The following LRIF1 variants were observed in gnomAD, a reference collection of about 807,000 sequenced individuals.
LRIF1 encodes the protein ligand-dependent nuclear receptor-interacting factor 1.
In LRIF1, 32 loss-of-function variants were observed where a neutral mutation model predicts 52.7. The ratio of observed to expected loss-of-function variants is 0.61; its 90% CI spans 0.46 to 0.82. The LOEUF (loss-of-function observed/expected upper bound fraction) is 0.82, where lower values mean the gene tolerates loss of function less well. Among genes scored for constraint, LRIF1 ranks in the 40% least tolerant of loss-of-function variants. The pLI, the probability that LRIF1 is intolerant of heterozygous loss-of-function variation, is 0.00. For missense variants in LRIF1, 887 were observed against 892.0 expected, an observed-to-expected ratio of 0.99 and a Z score of 0.07; for synonymous variants, 323 against 317.4, an observed-to-expected ratio of 1.02 and a Z score of -0.19.
At chr1:110,928,364 A>G in the LRIF1 span, among the ~76,000 whole-genome samples, 2 of 152,206 alleles carry the variant, frequency 1.3e-5, no homozygotes, top group Non-Finnish European at 2.9e-5. Context: ...CTTTTCTAAC[A>G]TATTTCTTCC....
chr1:110,897,601 G>GTAATGA, the LRIF1 span: 1 of 461,982 alleles, frequency 2.2e-6, no homozygotes. Context: ...AGTTACCACT[G>GTAATGA]TAATGATAAC....
chr1:110,956,947 T>C (rs982547202), intron 1 of LRIF1, among the ~76,000 whole-genome samples: 7 of 152,246 alleles, frequency 4.6e-5, no homozygotes, highest in East Asian at 1.9e-4. Context: ...ACAGTTAAAT[T>C]TGTCTTTATC....
At chr1:110,891,338 C>T in the LRIF1 span, 107 of 1,204,520 alleles carry the variant, frequency 8.9e-5, 1 homozygote, top group East Asian at 2.3e-3. Flanking sequence ...GCACTCTGAT[C>T]TCTGGCTACC....
At chr1:110,895,294 T>C in the LRIF1 span, among the ~76,000 whole-genome samples, 2 of 152,336 alleles carry the variant, frequency 1.3e-5, no homozygotes, top group African/African-American at 4.8e-5. Flanking sequence ...TTCTAAGTTC[T>C]GCTAGGATGT....
the LRIF1 span, among the ~76,000 whole-genome samples, chr1:110,902,517 AAAAG>A: frequency 9.6e-6 from 1 of 104,696 alleles, no homozygotes; most frequent in African/African-American, 2.8e-5. Flanking sequence ...AAAAAAAAAA[AAAAG>A]AAATACAGAC....
Position 110,947,893 on chromosome 1 carries a change from T to C in LRIF1, c.*66A>G. 1 of 1,512,402 alleles carries C rather than the reference T, an allele frequency of 6.6e-7. No individual in the cohort carries two copies. The highest frequency in any genetic ancestry group is 8.8e-7 in the Non-Finnish European group (1 of 1,135,888). The allele number at this position is 1,512,402 out of a possible 1,614,324, so 93.7% of individuals were successfully genotyped here. A position where few individuals can be genotyped will look rare whatever the true frequency, so the allele number is the denominator to read the frequency against. ...AGACACTTTCAGAACACACCTACAA[T>C]TAACTTATTAATGCTGAAGTATATT... On this transcript the variant is annotated 3_prime_UTR_variant, in exon 4 of 4. Transcript: ENST00000369763.
chr1:110,941,134 A>C, the LRIF1 span: 5 of 152,090 alleles, frequency 3.3e-5, no homozygotes, highest in Non-Finnish European at 5.9e-5. Flanking sequence ...ATTAAAAATA[A>C]AAAGTTTAAA....
chr1:110,899,609 A>G, the LRIF1 span: 1 of 170,518 alleles, frequency 5.9e-6, no homozygotes, highest in East Asian at 1.8e-4. Context: ...AGTTGAAGGG[A>G]GTTCTGGGGC....
the LRIF1 span, among the ~76,000 whole-genome samples, chr1:110,919,902 C>T: frequency 1.3e-5 from 2 of 152,202 alleles, no homozygotes; most frequent in Non-Finnish European, 2.9e-5. Flanking sequence ...TCTGAACAGG[C>T]ATCTCATCAA....
At chr1:110,944,794 G>A (rs1305153678), downstream of LRIF1, 1 of 151,986 alleles carries the variant, frequency 6.6e-6, no homozygotes, top group Non-Finnish European at 1.5e-5. Context: ...ATTTAATACT[G>A]CTTTAGAAAA....
chr1:110,896,755 C>A, the LRIF1 span: 7 of 1,594,708 alleles, frequency 4.4e-6, no homozygotes, highest in Admixed American at 8.4e-5. Context: ...GGCAATGTTT[C>A]TGTTATTGAC....
the LRIF1 span, among the ~76,000 whole-genome samples, chr1:110,903,587 G>T: frequency 6.6e-6 from 1 of 151,962 alleles, no homozygotes; most frequent in African/African-American, 2.4e-5. Context: ...CACCTGCTAA[G>T]TGAAAAGCCC....
At chr1:110,898,990 G>A in the LRIF1 span, 2 of 638,910 alleles carry the variant, frequency 3.1e-6, no homozygotes, top group Non-Finnish European at 5.5e-6. Flanking sequence ...TCCTGAGAGA[G>A]ACTTGAAAGT....
the LRIF1 span, among the ~76,000 whole-genome samples, chr1:110,929,990 T>A: frequency 2.6e-5 from 4 of 152,196 alleles, no homozygotes; most frequent in Non-Finnish European, 4.4e-5. Context: ...AAGCTGTACA[T>A]GTACCCCTGC....
the LRIF1 span, chr1:110,895,044 A>G: frequency 6.2e-7 from 1 of 1,612,600 alleles, no homozygotes; most frequent in Non-Finnish European, 8.5e-7. Flanking sequence ...GTGGGACTCC[A>G]TCCAGTCATT....
At chr1:110,954,082 G>A (rs983074844) in intron 1 of LRIF1, among the ~76,000 whole-genome samples, 3 of 151,884 alleles carry the variant, frequency 2.0e-5, no homozygotes, top group African/African-American at 4.8e-5. Flanking sequence ...AAATAATAAC[G>A]ATAATAATTA....
the LRIF1 span, among the ~76,000 whole-genome samples, chr1:110,904,104 C>A: frequency 6.6e-6 from 1 of 152,184 alleles, no homozygotes; most frequent in African/African-American, 2.4e-5. Context: ...CCAGCTCAGC[C>A]ACAGTACAAT....
chr1:110,930,302 G>T, the LRIF1 span, among the ~76,000 whole-genome samples: 1 of 152,120 alleles, frequency 6.6e-6, no homozygotes, highest in Non-Finnish European at 1.5e-5. Flanking sequence ...CTCATGATTG[G>T]AAATTGTAAT....
chr1:110,880,905 T>C, the LRIF1 span, among the ~76,000 whole-genome samples: 1 of 152,072 alleles, frequency 6.6e-6, no homozygotes, highest in Non-Finnish European at 1.5e-5. Flanking sequence ...GAGGACTTCC[T>C]GGAAAAGTGA....
Sources: gnomAD v4.1 joint callset for allele counts (sites outside exome capture counted in the v4.1 genomes callset) on GRCh38, gnomAD v4.1.1 for gene constraint, MANE v1.5 for transcripts, NCBI Gene and HGNC (gene_info 2026-07-23, HGNC 2026-07-21) for gene names.